The following HAVCR1 variants were observed in gnomAD, a reference collection of about 807,000 sequenced individuals.
HAVCR1 encodes the protein T cell immunoglobin domain and mucin domain protein 1.
HAVCR1 carries 34 observed loss-of-function variants against 32.0 expected under a neutral mutation model. The observed-to-expected ratio is 1.06, with a 90% CI of 0.81 to 1.42. HAVCR1 has a LOEUF of 1.42. HAVCR1 is among the 40% of genes most tolerant of loss of function. HAVCR1 has a pLI of 0.00. For synonymous variants in HAVCR1, 178 were observed against 170.3 expected (o/e 1.05, Z -0.35); for missense variants, 420 against 442.3 (o/e 0.95, Z 0.45).
intron 2 of HAVCR1, among the ~76,000 whole-genome samples, chr5:157,057,116 A>C (rs921022737): frequency 3.3e-5 from 5 of 151,970 alleles, no homozygotes; most frequent in Non-Finnish European, 2.9e-5. Context: ...GGAGTTCAAG[A>C]TCAGCTTGGC....
chr5:157,060,310 C>T (rs1404100511), upstream of HAVCR1, among the ~76,000 whole-genome samples: 2 of 152,070 alleles, frequency 1.3e-5, no homozygotes, highest in Non-Finnish European at 2.9e-5. Context: ...CCATAGATTT[C>T]TTCTACCACT....
chr5:157,058,207 T>C, intron 1 of HAVCR1: 1 of 422,266 alleles, frequency 2.4e-6, no homozygotes, highest in Non-Finnish European at 4.3e-6. Context: ...TCCCAGCTTC[T>C]TCCCCACACA....
At chr5:157,044,456 AAAGAAAGAAAGAAAGGAAGGAAGG>A (rs1755150422) in intron 5 of HAVCR1, among the ~76,000 whole-genome samples, 1 of 67,304 alleles carries the variant, frequency 1.5e-5, no homozygotes, top group Non-Finnish European at 2.9e-5. Flanking sequence ...AGAAAGAAAG[AAAGAAAGAAAGAAAGGAAGGAAGG>A]AAGGAAGGAA....
At chr5:157,053,607 C>T (rs1365005179) in intron 3 of HAVCR1, among the ~76,000 whole-genome samples, 2 of 152,176 alleles carry the variant, frequency 1.3e-5, no homozygotes, top group Non-Finnish European at 2.9e-5. Context: ...CGGCAGCTCA[C>T]GCCTGTAATC....
chr5:157,057,993 C>A, intron 1 of HAVCR1, 38 bp from the exon 2 acceptor site: 1 of 1,387,854 alleles, frequency 7.2e-7, no homozygotes, highest in Non-Finnish European at 1.0e-6. Context: ...TTGGTACCCT[C>A]CACCAGATGG....
At chr5:157,068,310 G>A in the HAVCR1 span, among the ~76,000 whole-genome samples, 2 of 151,636 alleles carry the variant, frequency 1.3e-5, no homozygotes, top group Non-Finnish European at 2.9e-5. Context: ...AAGGCTGGGT[G>A]CTGTGGCTTA....
chr5:157,051,893 G>C (rs1022763036), intron 4 of HAVCR1, among the ~76,000 whole-genome samples: 3 of 152,172 alleles, frequency 2.0e-5, no homozygotes, highest in African/African-American at 4.8e-5. Flanking sequence ...CATGGTGCCT[G>C]GTAGATAGAA....
upstream of HAVCR1, among the ~76,000 whole-genome samples, chr5:157,061,969 C>G (rs1756499020): frequency 6.6e-6 from 1 of 152,162 alleles, no homozygotes. Context: ...GACCATCTCC[C>G]ATGAGAGACG....
intron 5 of HAVCR1, among the ~76,000 whole-genome samples, chr5:157,047,378 C>T (rs1755465506): frequency 6.6e-6 from 1 of 152,032 alleles, no homozygotes; most frequent in Non-Finnish European, 1.5e-5. Flanking sequence ...ATGATGAAAC[C>T]CCATCTCTAC....
At chr5:157,063,099 G>A (rs188666192), upstream of HAVCR1, among the ~76,000 whole-genome samples, 794 of 147,552 alleles carry the variant, frequency 5.4e-3, 6 homozygotes, top group East Asian at 0.04. Flanking sequence ...TCCAGCCTGG[G>A]TGACAGAGCG....
intron 5 of HAVCR1, among the ~76,000 whole-genome samples, chr5:157,047,552 CA>C (rs58433209): frequency 0.38 from 54,026 of 142,684 alleles, 9,918 homozygotes; most frequent in East Asian, 0.66. Flanking sequence ...GACTCCGTCT[CA>C]AAAAAAAAAA....
intron 5 of HAVCR1, among the ~76,000 whole-genome samples, chr5:157,046,646 G>A (rs920692715): frequency 3.3e-5 from 5 of 152,144 alleles, no homozygotes; most frequent in South Asian, 2.1e-4. Context: ...CTCACAGTTC[G>A]AGGCTGGGTA....
intron 8 of HAVCR1, among the ~76,000 whole-genome samples, chr5:157,031,553 G>T (rs924551355): frequency 3.3e-5 from 5 of 152,112 alleles, no homozygotes; most frequent in African/African-American, 9.7e-5. Context: ...GCCAGGTGCG[G>T]TCCCTCACGC....
At chr5:157,036,179 C>T (rs1754517513) in intron 7 of HAVCR1, among the ~76,000 whole-genome samples, 1 of 152,144 alleles carries the variant, frequency 6.6e-6, no homozygotes, top group Non-Finnish European at 1.5e-5. Flanking sequence ...CCCGTCTCTA[C>T]TAAAAATACA....
At chr5:157,054,190 CAAAAAAAAAAAAAA>C (rs900551230) in intron 3 of HAVCR1, among the ~76,000 whole-genome samples, 1 of 42,210 alleles carries the variant, frequency 2.4e-5, no homozygotes, top group African/African-American at 8.9e-5. Flanking sequence ...GACTCCATCT[CAAAAAAAAAAAAAA>C]AAAAAAAAAC....
At chr5:157,057,388 A>AGAGAGAGAGAG in intron 2 of HAVCR1, among the ~76,000 whole-genome samples, 1 of 4,104 alleles carries the variant, frequency 2.4e-4, no homozygotes, top group African/African-American at 7.5e-4. Context: ...GAGAGAGAGG[A>AGAGAGAGAGAG]AAGAAAGAAA....
chr5:157,049,465 C>T (rs1755615412), intron 4 of HAVCR1, among the ~76,000 whole-genome samples: 1 of 152,156 alleles, frequency 6.6e-6, no homozygotes, highest in Non-Finnish European at 1.5e-5. Flanking sequence ...TCCCAGGTTC[C>T]CTCTAAATAG....
At chr5:157,033,163 A>T (rs185061045) in intron 7 of HAVCR1, among the ~76,000 whole-genome samples, 113 of 73,786 alleles carry the variant, frequency 1.5e-3, no homozygotes, top group East Asian at 4.3e-3. Flanking sequence ...TCATTTTTTT[A>T]AAAAAAATGA....
upstream of HAVCR1, among the ~76,000 whole-genome samples, chr5:157,061,793 G>A (rs1161864511): frequency 6.6e-6 from 1 of 152,218 alleles, no homozygotes; most frequent in Non-Finnish European, 1.5e-5. Context: ...CGGAATGTGG[G>A]GGGTGGGAAG....
Sources: gnomAD v4.1 joint callset for allele counts (sites outside exome capture counted in the v4.1 genomes callset) on GRCh38, gnomAD v4.1.1 for gene constraint, MANE v1.5 for transcripts, NCBI Gene and HGNC (gene_info 2026-07-23, HGNC 2026-07-21) for gene names.